P2RY12: variants seen among roughly 807,000 people sequenced by gnomAD.
P2RY12 encodes P2Y purinoceptor 12.
A neutral mutation model predicts 4.5 loss-of-function variants in P2RY12; 3 were observed. The observed-to-expected ratio is 0.67, with a 90% confidence interval of 0.31 to 1.74. The LOEUF (loss-of-function observed/expected upper bound fraction) is 1.74. Among genes scored for constraint, P2RY12 ranks in the 40% most tolerant of loss-of-function variants. The pLI, the probability that P2RY12 is intolerant of heterozygous loss-of-function variation, is 0.09. For synonymous variants in P2RY12, 148 were observed against 154.1 expected, an observed-to-expected ratio of 0.96 and a Z score of 0.29; for missense variants, 356 against 407.8, an observed-to-expected ratio of 0.87 and a Z score of 1.09.
intron 1 of P2RY12, among the ~76,000 whole-genome samples, chr3:151,384,451 G>T (rs1220986334): frequency 1.3e-5 from 2 of 152,028 alleles, no homozygotes; most frequent in African/African-American, 4.8e-5. Flanking sequence ...ATTTTTTAAA[G>T]AACTTTAGAA....
intron 1 of P2RY12, chr3:151,364,881 A>G (rs963156344): frequency 3.1e-5 from 26 of 831,420 alleles, no homozygotes; most frequent in Non-Finnish European, 5.2e-5. Context: ...CTAGGAATGC[A>G]TTACAGTTCC....
intron 1 of P2RY12, chr3:151,350,325 C>A (rs1047437857): frequency 1.1e-6 from 1 of 886,738 alleles, no homozygotes; most frequent in South Asian, 2.7e-5. Flanking sequence ...CTGAATGACT[C>A]TCACATTGAA....
At chr3:151,382,830 A>G in intron 1 of P2RY12, 9 of 1,059,154 alleles carry the variant, frequency 8.5e-6, no homozygotes, top group Non-Finnish European at 1.3e-5. Context: ...CCTAAGTGCA[A>G]AGTCTGCATT....
At position 151,381,768 on chromosome 3, in the gene P2RY12, A is replaced by G. The variant is rs115282847; in HGVS notation, c.-180+2924T>C. ...CTCCATGAGAGCTTGTTGTTTAGTT[A>G]ACTACCTTGCCCCCTTAAGCCAGCC... On this transcript the variant is annotated intron_variant, in intron 1 of 2. Coordinates refer to ENST00000302632, the MANE Select transcript of P2RY12 (RefSeq NM_022788.5). 8.8e-3 allele frequency among the ~76,000 whole-genome samples: 1,346 copies of G among 152,222 alleles called. 12 individuals carry two copies. The highest frequency in any genetic ancestry group is 0.013 in the Non-Finnish European group (887 of 68,010).
chr3:151,368,953 G>A (rs1414643324), intron 1 of P2RY12, among the ~76,000 whole-genome samples: 2 of 151,302 alleles, frequency 1.3e-5, no homozygotes, highest in East Asian at 3.9e-4. Flanking sequence ...GTAGAGATGG[G>A]GATTTCACTG....
At chr3:151,379,184 A>C (rs1012552486) in intron 1 of P2RY12, among the ~76,000 whole-genome samples, 2 of 152,246 alleles carry the variant, frequency 1.3e-5, no homozygotes, top group Non-Finnish European at 2.9e-5. Context: ...ACAAGGAAGC[A>C]TAATTCTAAT....
chr3:151,344,704 A>T (rs1752316288), intron 1 of P2RY12, among the ~76,000 whole-genome samples: 1 of 152,250 alleles, frequency 6.6e-6, no homozygotes, highest in Non-Finnish European at 1.5e-5. Context: ...AAGGACAATT[A>T]CATCCACTTC....
At chr3:151,362,519 G>T (rs918777781) in intron 1 of P2RY12, among the ~76,000 whole-genome samples, 1 of 151,918 alleles carries the variant, frequency 6.6e-6, no homozygotes, top group African/African-American at 2.4e-5. Flanking sequence ...CTGTCTCCCT[G>T]AGCACACCAT....
intron 1 of P2RY12, chr3:151,369,349 A>G (rs3821662): frequency 0.055 from 48,332 of 882,430 alleles, 2,480 homozygotes; most frequent in Middle Eastern, 0.21. Context: ...CCCACAGTCT[A>G]ACAATGAAAG....
intron 1 of P2RY12, among the ~76,000 whole-genome samples, chr3:151,377,524 T>G (rs1306906087): frequency 2.0e-5 from 3 of 152,206 alleles, no homozygotes; most frequent in Non-Finnish European, 4.4e-5. Context: ...ATCCTGGTAA[T>G]TTTTGTGCAG....
intron 1 of P2RY12, among the ~76,000 whole-genome samples, chr3:151,381,592 C>G (rs1181249516): frequency 6.6e-6 from 1 of 152,186 alleles, no homozygotes; most frequent in Non-Finnish European, 1.5e-5. Context: ...ATGGCCTGCT[C>G]CCTTCATTCA....
intron 1 of P2RY12, among the ~76,000 whole-genome samples, chr3:151,372,401 T>G (rs1457557223): frequency 6.6e-6 from 1 of 152,236 alleles, no homozygotes; most frequent in Non-Finnish European, 1.5e-5. Context: ...TCTGGGTTCA[T>G]GCATTTATGC....
chr3:151,381,065 C>T (rs561522033), intron 1 of P2RY12, among the ~76,000 whole-genome samples: 15 of 152,362 alleles, frequency 9.8e-5, no homozygotes, highest in African/African-American at 3.6e-4. Flanking sequence ...GAGGCTCTTG[C>T]ATCTATGTAC....
intron 1 of P2RY12, among the ~76,000 whole-genome samples, chr3:151,373,188 G>A (rs1424233812): frequency 6.6e-6 from 1 of 152,018 alleles, no homozygotes; most frequent in Non-Finnish European, 1.5e-5. Flanking sequence ...TTTATTAATT[G>A]TCCCAGTATT....
chr3:151,376,168 C>A (rs769743820), intron 1 of P2RY12: 2 of 1,605,584 alleles, frequency 1.2e-6, no homozygotes, highest in Admixed American at 3.4e-5. Context: ...AAAGAATGTA[C>A]CGAGGGGGAC....
chr3:151,370,285 T>C (rs934051577), intron 1 of P2RY12, among the ~76,000 whole-genome samples: 2 of 152,178 alleles, frequency 1.3e-5, no homozygotes, highest in Admixed American at 1.3e-4. Flanking sequence ...CAACTTTGGG[T>C]ACCTTCTTTT....
chr3:151,359,980 A>C (rs1754408252), intron 1 of P2RY12, among the ~76,000 whole-genome samples: 1 of 152,160 alleles, frequency 6.6e-6, no homozygotes, highest in Admixed American at 6.6e-5. Flanking sequence ...TACATAGGGG[A>C]ATGTATACAT....
chr3:151,376,698 T>C (rs1756896733), intron 1 of P2RY12: 1 of 946,360 alleles, frequency 1.1e-6, no homozygotes, highest in Non-Finnish European at 1.7e-6. Flanking sequence ...TCATTGTGTA[T>C]GATTATTCTG....
At position 151,338,773 on chromosome 3, in the gene P2RY12, G is replaced by A; in HGVS notation, c.73C>T (p.Gln25Ter). 1 of 1,613,560 alleles carries A rather than the reference G, an allele frequency of 6.2e-7. No homozygotes were observed. Among genetic ancestry groups the A allele is most frequent in the South Asian group, 1.1e-5 (1 of 91,062 alleles). The change falls in exon 3 of 3, where the codon CAG (glutamine) becomes TAG (stop). Residue 25 changes from glutamine (Q) to a stop codon, truncating the protein, a stop_gained. Transcript: ENST00000302632. LOFTEE classifies it high-confidence loss of function. ...GTGTAGAGCAGTGGGAAGAGGACCT[G>A]GGTGATTTTGTAGTCTCTGGTGCAC... Reference protein sequence around the residue: ...SLCTRDYKITQVLFPLLYTVL... With the variant: ...SLCTRDYKIT
Sources: allele counts gnomAD v4.1 joint callset (sites outside exome capture counted in the v4.1 genomes callset), GRCh38; gene constraint gnomAD v4.1.1; transcripts MANE v1.5; gene names NCBI Gene and HGNC (gene_info 2026-07-23, HGNC 2026-07-21).